The following IQGAP1 variants were observed in gnomAD, a reference collection of about 807,000 sequenced individuals.
IQGAP1 encodes IQ motif containing GTPase activating protein 1, also known as ras GTPase-activating-like protein IQGAP1.
IQGAP1 carries 66 observed loss-of-function variants against 215.6 expected under a neutral mutation model. That is an observed-to-expected ratio of 0.31 (90% confidence interval 0.25 to 0.38). The LOEUF (loss-of-function observed/expected upper bound fraction) is 0.38. IQGAP1 is among the 10% of genes least tolerant of loss of function. The pLI, the probability that IQGAP1 is intolerant of heterozygous loss-of-function variation, is 1.00. For synonymous variants in IQGAP1, 772 were observed against 728.7 expected, an observed-to-expected ratio of 1.06 and a Z score of -0.96; for missense variants, 1,712 against 1,997.1, an observed-to-expected ratio of 0.86 and a Z score of 2.72.
In IQGAP1 at chr15:90,486,943, CA is replaced by C; in HGVS notation, c.4025-7del. ...ATTACGCTGACTCTTTCCACCCTCCCAAAACTTCAGGGGAAAGCTCTGGCAA... is the reference window on the plus strand; with the variant it reads ...ATTACGCTGACTCTTTCCACCCTCCCAAACTTCAGGGGAAAGCTCTGGCAA... On this transcript the variant is annotated splice_polypyrimidine_tract_variant and intron_variant, in intron 31 of 37. Transcript: ENST00000268182. 1.2e-6 allele frequency: 2 copies of C among 1,613,252 alleles called. No individual in the cohort carries two copies. Among genetic ancestry groups the C allele is most frequent in the Non-Finnish European group, 1.7e-6 (2 of 1,179,572 alleles).
chr15:90,394,774 C>G (rs938474484), intron 2 of IQGAP1, among the ~76,000 whole-genome samples: 1 of 146,960 alleles, frequency 6.8e-6, no homozygotes, highest in Non-Finnish European at 1.5e-5. Flanking sequence ...AAAAGCTTCC[C>G]CTCTTCAGTT....
At chr15:90,449,694 T>C (rs1965574508) in intron 11 of IQGAP1, 51 bp downstream of exon 11, 1 of 1,449,148 alleles carries the variant, frequency 6.9e-7, no homozygotes, top group African/African-American at 1.4e-5. Context: ...TTTGTGTTAT[T>C]GAAGGGTCTG....
intron 2 of IQGAP1, among the ~76,000 whole-genome samples, chr15:90,403,450 T>G (rs906321347): frequency 6.6e-6 from 1 of 152,168 alleles, no homozygotes; most frequent in African/African-American, 2.4e-5. Flanking sequence ...TTCTTAGAAA[T>G]AGGTAATACA....
intron 18 of IQGAP1, among the ~76,000 whole-genome samples, 182 bp from the exon 19 acceptor site, chr15:90,472,658 T>C (rs927282666): frequency 1.4e-4 from 21 of 151,928 alleles, no homozygotes; most frequent in African/African-American, 4.6e-4. Flanking sequence ...GGAGGACGTG[T>C]GTGAGAACAA....
At chr15:90,465,459 T>C (rs1965817130) in intron 15 of IQGAP1, among the ~76,000 whole-genome samples, 2 of 152,192 alleles carry the variant, frequency 1.3e-5, no homozygotes, top group Admixed American at 1.3e-4. Context: ...TAAATTCATC[T>C]TTATATAATC....
chr15:90,481,833 C>T, intron 26 of IQGAP1, 127 bp from the exon 27 acceptor site: 1 of 938,842 alleles, frequency 1.1e-6, no homozygotes, highest in Non-Finnish European at 1.6e-6. Context: ...ACTTACCAGC[C>T]CCGTGAGGAT....
intron 34 of IQGAP1, 144 bp from the exon 35 acceptor site, chr15:90,492,401 C>T (rs1042320474): frequency 1.7e-6 from 1 of 596,780 alleles, no homozygotes; most frequent in African/African-American, 2.1e-5. Flanking sequence ...CACACTCGAG[C>T]CTGGGCAACA....
intron 24 of IQGAP1, 104 bp downstream of exon 24, chr15:90,476,922 AG>A: frequency 1.5e-6 from 2 of 1,373,730 alleles, no homozygotes; most frequent in Non-Finnish European, 2.0e-6. Flanking sequence ...ACTTCCACTG[AG>A]GGGTGAGTGA....
intron 26 of IQGAP1, 126 bp from the exon 27 acceptor site, chr15:90,481,834 C>A: frequency 1.0e-6 from 1 of 955,410 alleles, no homozygotes. Flanking sequence ...CTTACCAGCC[C>A]CGTGAGGATG....
At chr15:90,390,452 A>C (rs973477464) in intron 1 of IQGAP1, among the ~76,000 whole-genome samples, 1 of 152,246 alleles carries the variant, frequency 6.6e-6, no homozygotes, top group Non-Finnish European at 1.5e-5. Context: ...GGGAAACAAT[A>C]TTATCAGATC....
intron 2 of IQGAP1, among the ~76,000 whole-genome samples, chr15:90,397,649 T>C (rs1463297528): frequency 6.6e-6 from 1 of 150,954 alleles, no homozygotes; most frequent in Non-Finnish European, 1.5e-5. Context: ...CCCGAGTAGC[T>C]GGGACTACAG....
intron 2 of IQGAP1, among the ~76,000 whole-genome samples, chr15:90,423,917 C>G (rs74947679): frequency 0.065 from 9,900 of 152,266 alleles, 443 homozygotes; most frequent in Middle Eastern, 0.19. Flanking sequence ...AGAGGAAAAC[C>G]TAAATACCTC....
chr15:90,498,814 ATT>A (rs34853230), intron 37 of IQGAP1, among the ~76,000 whole-genome samples: 1 of 139,840 alleles, frequency 7.2e-6, no homozygotes, highest in Non-Finnish European at 1.5e-5. Context: ...CGCCCGGCTA[ATT>A]TTTTTTTTTT....
rs761696441 is a variant in IQGAP1, at chr15:90,486,022, G to A, written c.3922-8G>A. On this transcript the variant is annotated splice_region_variant and splice_polypyrimidine_tract_variant and intron_variant, in intron 30 of 37. Coordinates refer to ENST00000268182, the MANE Select transcript of IQGAP1 (RefSeq NM_003870.4). The stretch of plus-strand genomic sequence containing the variant: ...TGTATAAATGGAGTTGATCATTGGT[G>A]TTTGCAGCTCCTGTTGGATCACCAG... The A allele has an allele frequency of 2.2e-5, 35 of 1,608,956 alleles. No homozygotes were observed. The highest frequency in any genetic ancestry group is 2.8e-5 in the Non-Finnish European group (33 of 1,175,858).
intron 26 of IQGAP1, 133 bp downstream of exon 26, chr15:90,478,022 A>C: frequency 4.5e-6 from 3 of 664,656 alleles, no homozygotes; most frequent in Non-Finnish European, 7.5e-6. Flanking sequence ...ACAGAGTTTC[A>C]CTCTTGTCGT....
intron 4 of IQGAP1, among the ~76,000 whole-genome samples, chr15:90,433,016 C>CA (rs1407336614): frequency 1.3e-4 from 20 of 152,110 alleles, no homozygotes; most frequent in Admixed American, 1.3e-3. Flanking sequence ...AAAGATATGG[C>CA]AGTTAATAAA....
At chr15:90,491,199 G>T in intron 33 of IQGAP1, 134 bp from the exon 34 acceptor site, 1 of 680,128 alleles carries the variant, frequency 1.5e-6, no homozygotes, top group South Asian at 1.9e-5. Flanking sequence ...TTTGGCAGGG[G>T]GCAGAATTTG....
rs144954201 is a variant in IQGAP1, at chr15:90,461,250, A to G, written c.1777-4751A>G. ...TTGAACCCAGGAGGTGGAGGTTGCA[A>G]TGAGCACCACTGCACTCCAGCTTGG... On this transcript the variant is annotated intron_variant, in intron 15 of 37. Coordinates refer to ENST00000268182, the MANE Select transcript of IQGAP1 (RefSeq NM_003870.4). 6.7e-3 allele frequency among the ~76,000 whole-genome samples: 1,013 copies of G among 151,016 alleles called. 5 individuals carry two copies. The highest frequency in any genetic ancestry group is 0.028 in the South Asian group (135 of 4,742).
intron 15 of IQGAP1, among the ~76,000 whole-genome samples, chr15:90,463,659 T>C (rs1461811685): frequency 6.6e-6 from 1 of 152,214 alleles, no homozygotes; most frequent in African/African-American, 2.4e-5. Flanking sequence ...CTGCAGCTTT[T>C]AAGTGATTTA....
Sources: gnomAD v4.1 joint callset for allele counts (sites outside exome capture counted in the v4.1 genomes callset) on GRCh38, gnomAD v4.1.1 for gene constraint, MANE v1.5 for transcripts, NCBI Gene and HGNC (gene_info 2026-07-23, HGNC 2026-07-21) for gene names.